Variants in FANCC observed in about 807,000 individuals in gnomAD.
FANCC encodes Fanconi anemia group C protein.
FANCC carries 55 observed loss-of-function variants against 71.3 expected under a neutral mutation model. That is an observed-to-expected ratio of 0.77 (90% CI 0.62 to 0.97). The LOEUF (loss-of-function observed/expected upper bound fraction) is 0.97. Ranked by LOEUF, FANCC falls within the 50% of genes least tolerant of loss-of-function variation. The pLI is 0.00. For synonymous variants in FANCC, 275 were observed against 244.9 expected (o/e 1.12, Z -1.15); for missense variants, 678 against 670.9 (o/e 1.01, Z -0.12).
At chr9:95,284,394 G>A (rs1165233499) in intron 1 of FANCC, among the ~76,000 whole-genome samples, 5 of 152,224 alleles carry the variant, frequency 3.3e-5, no homozygotes, top group Non-Finnish European at 5.9e-5. Context: ...GTCATGAGTT[G>A]TATAAACACT....
intron 4 of FANCC, among the ~76,000 whole-genome samples, chr9:95,185,756 T>A (rs561526869): frequency 6.6e-6 from 1 of 152,298 alleles, no homozygotes; most frequent in East Asian, 1.9e-4. Context: ...AAAGTATAAT[T>A]CAGCGAACAA....
chr9:95,141,189 G>A (rs1341213212), intron 7 of FANCC, among the ~76,000 whole-genome samples: 1 of 151,782 alleles, frequency 6.6e-6, no homozygotes, highest in Admixed American at 6.6e-5. Context: ...GCACATGCCT[G>A]TAGTCCCAGC....
At chr9:95,116,396 A>C (rs983534770) in intron 11 of FANCC, among the ~76,000 whole-genome samples, 4 of 152,386 alleles carry the variant, frequency 2.6e-5, no homozygotes, top group Non-Finnish European at 2.9e-5. Flanking sequence ...ACCCTGGGCA[A>C]GAACCTACAT....
At chr9:95,195,881 G>C (rs1421526167) in intron 4 of FANCC, among the ~76,000 whole-genome samples, 3 of 152,070 alleles carry the variant, frequency 2.0e-5, no homozygotes, top group Non-Finnish European at 4.4e-5. Flanking sequence ...AAAATATATT[G>C]TGTTTTTAGT....
intron 4 of FANCC, among the ~76,000 whole-genome samples, chr9:95,201,471 T>G (rs1042209096): frequency 7.2e-5 from 11 of 152,320 alleles, no homozygotes; most frequent in African/African-American, 2.4e-4. Flanking sequence ...ATTGAAGGCC[T>G]GGCAAGTCTT....
intron 1 of FANCC, among the ~76,000 whole-genome samples, chr9:95,288,372 T>C (rs1020562543): frequency 6.6e-6 from 1 of 152,130 alleles, no homozygotes; most frequent in Non-Finnish European, 1.5e-5. Context: ...AAGAGTTATA[T>C]ATGTCAAGGG....
intron 8 of FANCC, 144 bp downstream of exon 8, chr9:95,135,202 A>G: frequency 1.2e-6 from 1 of 850,180 alleles, no homozygotes; most frequent in Admixed American, 2.1e-5. Context: ...AGTGATTTCA[A>G]AAATAAAATG....
At chr9:95,287,842 A>AT (rs1366784897) in intron 1 of FANCC, among the ~76,000 whole-genome samples, 2 of 152,076 alleles carry the variant, frequency 1.3e-5, no homozygotes, top group South Asian at 2.1e-4. Context: ...TATTTCTGCA[A>AT]TTTTTTTTCC....
intron 14 of FANCC, among the ~76,000 whole-genome samples, chr9:95,104,799 A>T (rs1177741840): frequency 6.6e-6 from 1 of 152,012 alleles, no homozygotes; most frequent in Non-Finnish European, 1.5e-5. Context: ...AGGGTTGGGG[A>T]GGAAGTGCCT....
At chr9:95,310,268 G>A (rs939109715) in intron 1 of FANCC, among the ~76,000 whole-genome samples, 4 of 152,096 alleles carry the variant, frequency 2.6e-5, no homozygotes, top group African/African-American at 9.7e-5. Context: ...TCAGGTGGCT[G>A]AGGTGGCATG....
At chr9:95,223,281 G>C (rs774175958) in intron 4 of FANCC, among the ~76,000 whole-genome samples, 2 of 152,128 alleles carry the variant, frequency 1.3e-5, no homozygotes, top group African/African-American at 4.8e-5. Context: ...GGGCTGTGAG[G>C]AAATGCCTCT....
chr9:95,283,353 A>G (rs1273610562), intron 1 of FANCC, among the ~76,000 whole-genome samples: 1 of 152,232 alleles, frequency 6.6e-6, no homozygotes, highest in Non-Finnish European at 1.5e-5. Flanking sequence ...GAAGATGCCA[A>G]AGACAAATTC....
chr9:95,171,227 T>A, intron 5 of FANCC, 84 bp from the exon 6 acceptor site: 1 of 1,010,450 alleles, frequency 9.9e-7, no homozygotes, highest in Non-Finnish European at 1.6e-6. Flanking sequence ...GAGTGATATT[T>A]CCGTTGAGAT....
chr9:95,307,859 T>A (rs1173794552), intron 1 of FANCC, among the ~76,000 whole-genome samples: 1 of 152,236 alleles, frequency 6.6e-6, no homozygotes, highest in East Asian at 1.9e-4. Flanking sequence ...TATACCAGAA[T>A]ATGTGAGACT....
chr9:95,236,431 C>T (rs1433533275), intron 4 of FANCC, among the ~76,000 whole-genome samples: 1 of 152,120 alleles, frequency 6.6e-6, no homozygotes, highest in Non-Finnish European at 1.5e-5. Context: ...TGAAAGAGTC[C>T]CGGAACTTCG....
At chr9:95,182,674 G>A (rs1458207116) in intron 4 of FANCC, among the ~76,000 whole-genome samples, 1 of 152,092 alleles carries the variant, frequency 6.6e-6, no homozygotes, top group Non-Finnish European at 1.5e-5. Flanking sequence ...TAGCCATCAC[G>A]TGAGCCAGCT....
intron 4 of FANCC, among the ~76,000 whole-genome samples, chr9:95,172,718 G>A (rs996270516): frequency 2.6e-5 from 4 of 152,038 alleles, no homozygotes; most frequent in East Asian, 1.9e-4. Flanking sequence ...GATTCTCACC[G>A]GGTATTATTC....
chr9:95,187,618 C>T (rs1043154733), intron 4 of FANCC, among the ~76,000 whole-genome samples: 6 of 152,080 alleles, frequency 3.9e-5, no homozygotes, highest in African/African-American at 1.4e-4. Flanking sequence ...GTTCTTCCAA[C>T]AGGACAAACA....
intron 8 of FANCC, among the ~76,000 whole-genome samples, chr9:95,134,436 A>G (rs568187466): frequency 2.2e-4 from 33 of 152,294 alleles, no homozygotes; most frequent in African/African-American, 7.9e-4. Flanking sequence ...GCCACTAACT[A>G]AAGACCGGAC....
Sources: gnomAD v4.1 joint callset for allele counts (sites outside exome capture counted in the v4.1 genomes callset) on GRCh38, gnomAD v4.1.1 for gene constraint, MANE v1.5 for transcripts, NCBI Gene and HGNC (gene_info 2026-07-23, HGNC 2026-07-21) for gene names.